Variants in RGS8 observed in about 807,000 individuals in gnomAD.
RGS8 encodes the protein regulator of G protein signaling 8, also known as regulator of G-protein signaling 8.
Under a neutral mutation model 21.7 loss-of-function variants are expected in RGS8, and 8 were observed. The observed-to-expected ratio is 0.37, with a 90% confidence interval of 0.22 to 0.66. The LOEUF is 0.66. Among genes scored for constraint, RGS8 ranks in the 30% least tolerant of loss-of-function variants. RGS8 has a pLI of 0.59. For missense variants in RGS8, 157 were observed against 217.9 expected, an observed-to-expected ratio of 0.72 and a Z score of 1.76; for synonymous variants, 80 against 83.6, an observed-to-expected ratio of 0.96 and a Z score of 0.24.
the RGS8 span, among the ~76,000 whole-genome samples, chr1:182,709,990 C>A: frequency 6.6e-6 from 1 of 152,112 alleles, no homozygotes; most frequent in Non-Finnish European, 1.5e-5. Context: ...CAACTCCAAT[C>A]ATTTTTCCAT....
At chr1:182,705,951 G>A in the RGS8 span, among the ~76,000 whole-genome samples, 1 of 152,120 alleles carries the variant, frequency 6.6e-6, no homozygotes, top group South Asian at 2.1e-4. Context: ...CACTATCCCT[G>A]AGAAATGTTT....
At chr1:182,724,201 G>GAGATATATATAT in the RGS8 span, among the ~76,000 whole-genome samples, 2 of 42,082 alleles carry the variant, frequency 4.8e-5, no homozygotes, top group Non-Finnish European at 9.6e-5. Flanking sequence ...GGCTAGACTG[G>GAGATATATATAT]ATATATATAT....
the RGS8 span, among the ~76,000 whole-genome samples, chr1:182,743,400 G>A: frequency 4.1e-3 from 631 of 152,108 alleles, 5 homozygotes; most frequent in African/African-American, 0.015. Context: ...TATAGACCAA[G>A]CAAACTAACA....
chr1:182,646,723 C>G (rs578244569), exon 7 of RGS8: 99 of 1,599,222 alleles, frequency 6.2e-5, no homozygotes, highest in Non-Finnish European at 8.2e-5. Context: ...TCCAGGAGTT[C>G]CCTTCTGAGG....
chr1:182,660,367 CT>C (rs1020621167), intron 5 of RGS8, among the ~76,000 whole-genome samples: 67 of 152,222 alleles, frequency 4.4e-4, no homozygotes, highest in African/African-American at 1.6e-3. Flanking sequence ...TAATAGTTGC[CT>C]AATATATTCC....
chr1:182,667,872 C>T (rs1439591636), intron 3 of RGS8, among the ~76,000 whole-genome samples: 1 of 151,220 alleles, frequency 6.6e-6, no homozygotes, highest in Admixed American at 6.6e-5. Flanking sequence ...TTTAGAGAAA[C>T]GGTCTTGCTA....
chr1:182,723,042 A>T, the RGS8 span, among the ~76,000 whole-genome samples: 1 of 152,054 alleles, frequency 6.6e-6, no homozygotes, highest in African/African-American at 2.4e-5. Flanking sequence ...CAGTCACTGG[A>T]TTAAGAACTC....
At chr1:182,652,565 C>T (rs1663072867) in intron 5 of RGS8, among the ~76,000 whole-genome samples, 1 of 152,216 alleles carries the variant, frequency 6.6e-6, no homozygotes, top group African/African-American at 2.4e-5. Context: ...CACCTTCAAT[C>T]CAACATAGCA....
At chr1:182,730,571 A>G in the RGS8 span, among the ~76,000 whole-genome samples, 2 of 152,202 alleles carry the variant, frequency 1.3e-5, no homozygotes, top group East Asian at 3.9e-4. Context: ...ATGGCCGGGC[A>G]CAGTGGCAGG....
upstream of RGS8, among the ~76,000 whole-genome samples, chr1:182,676,946 T>C (rs778224599): frequency 1.3e-5 from 2 of 152,222 alleles, no homozygotes; most frequent in Non-Finnish European, 1.5e-5. Context: ...TGCAAAGAAA[T>C]GAGAAAGTCT....
chr1:182,655,760 C>T (rs1663243962), intron 5 of RGS8, among the ~76,000 whole-genome samples: 1 of 152,206 alleles, frequency 6.6e-6, no homozygotes, highest in South Asian at 2.1e-4. Flanking sequence ...CTTAAATTAG[C>T]CTGTATCAGA....
chr1:182,741,673 G>A, the RGS8 span, among the ~76,000 whole-genome samples: 1 of 113,648 alleles, frequency 8.8e-6, no homozygotes, highest in South Asian at 3.0e-4. Context: ...CCGGGCAGAG[G>A]GGCTCCTCAC....
chr1:182,693,131 G>C, the RGS8 span, among the ~76,000 whole-genome samples: 2 of 152,016 alleles, frequency 1.3e-5, no homozygotes, highest in African/African-American at 4.8e-5. Context: ...GACAAGTGAG[G>C]CCTAATTAAA....
At chr1:182,717,740 C>T in the RGS8 span, among the ~76,000 whole-genome samples, 1 of 152,140 alleles carries the variant, frequency 6.6e-6, no homozygotes, top group Admixed American at 6.5e-5. Context: ...TCTGCCTCCC[C>T]CATAAGAAGT....
At chr1:182,738,927 A>G in the RGS8 span, among the ~76,000 whole-genome samples, 1 of 152,236 alleles carries the variant, frequency 6.6e-6, no homozygotes, top group Admixed American at 6.5e-5. Flanking sequence ...TGGTAAGGAC[A>G]TTGAAAGATG....
chr1:182,692,007 T>C, the RGS8 span, among the ~76,000 whole-genome samples: 1 of 123,868 alleles, frequency 8.1e-6, no homozygotes, highest in Non-Finnish European at 1.8e-5. Flanking sequence ...TTAGCATTTC[T>C]TTTTTTTTTT....
chr1:182,648,082 A>G (rs1251680270), intron 6 of RGS8, 55 bp downstream of exon 7: 4 of 1,504,274 alleles, frequency 2.7e-6, no homozygotes, highest in Non-Finnish European at 3.6e-6. Context: ...CTCTGAGGAG[A>G]GAAATGCAAG....
At chr1:182,650,430 T>C (rs1252729954) in intron 5 of RGS8, among the ~76,000 whole-genome samples, 1 of 152,226 alleles carries the variant, frequency 6.6e-6, no homozygotes, top group Non-Finnish European at 1.5e-5. Context: ...ATGTCTATAC[T>C]AGAACAGTAT....
At chr1:182,676,580 T>G (rs1363561582), upstream of RGS8, among the ~76,000 whole-genome samples, 1 of 152,146 alleles carries the variant, frequency 6.6e-6, no homozygotes, top group Non-Finnish European at 1.5e-5. Flanking sequence ...TCTATCTCAT[T>G]CCTCTGAGCA....
Sources: allele counts gnomAD v4.1 joint callset (sites outside exome capture counted in the v4.1 genomes callset), GRCh38; gene constraint gnomAD v4.1.1; transcripts MANE v1.5; gene names NCBI Gene and HGNC (gene_info 2026-07-23, HGNC 2026-07-21).